Variants in SEMA5A observed in about 807,000 individuals in gnomAD.
The protein encoded by SEMA5A is semaphorin-5A.
A neutral mutation model predicts 135.5 loss-of-function variants in SEMA5A; 55 were observed. The ratio of observed to expected loss-of-function variants is 0.41; its 90% CI spans 0.33 to 0.51. The LOEUF is 0.51. Among genes scored for constraint, SEMA5A ranks in the 20% least tolerant of loss-of-function variants. The probability of loss-of-function intolerance (pLI) is 0.37; values close to 1 mark genes in which losing one functional copy is unlikely to be tolerated. For synonymous variants in SEMA5A, 580 were observed against 546.5 expected, an observed-to-expected ratio of 1.06 and a Z score of -0.85; for missense variants, 1,290 against 1,419.9, an observed-to-expected ratio of 0.91 and a Z score of 1.47.
chr5:9,434,327 A>G (rs1757958204), intron 2 of SEMA5A, among the ~76,000 whole-genome samples: 1 of 152,192 alleles, frequency 6.6e-6, no homozygotes, highest in Non-Finnish European at 1.5e-5. Flanking sequence ...AGACTACATT[A>G]AATGTCGTCT....
intron 22 of SEMA5A, 151 bp downstream of exon 22, chr5:9,044,222 A>G (rs1366566291): frequency 3.0e-6 from 2 of 668,750 alleles, no homozygotes; most frequent in East Asian, 2.7e-5. Context: ...AGCCACCTGA[A>G]GTCGTAAGGA....
chr5:9,166,991 C>G (rs1743644794), intron 11 of SEMA5A, among the ~76,000 whole-genome samples: 1 of 152,164 alleles, frequency 6.6e-6, no homozygotes, highest in Non-Finnish European at 1.5e-5. Flanking sequence ...CTCTAGCCCC[C>G]AGTGGTGAAA....
intron 2 of SEMA5A, among the ~76,000 whole-genome samples, chr5:9,426,962 T>C (rs1757683380): frequency 6.6e-6 from 1 of 152,182 alleles, no homozygotes; most frequent in Admixed American, 6.5e-5. Flanking sequence ...TAACACCTGG[T>C]TTATAAAATA....
At chr5:9,272,823 C>A (rs1458831827) in intron 5 of SEMA5A, among the ~76,000 whole-genome samples, 1 of 152,126 alleles carries the variant, frequency 6.6e-6, no homozygotes, top group South Asian at 2.1e-4. Context: ...CAACATCAAC[C>A]AAAAGGATGC....
chr5:9,279,346 C>A (rs926427782), intron 5 of SEMA5A, among the ~76,000 whole-genome samples: 2 of 152,174 alleles, frequency 1.3e-5, no homozygotes, highest in African/African-American at 2.4e-5. Context: ...AATGCCTGTA[C>A]CCCTACTGTT....
At position 9,041,474 on chromosome 5, in the gene SEMA5A, G is replaced by A. The variant is rs1735965576; in HGVS notation, c.*1423C>T. ...TAGGTTATGTATTGGTTGTTTGTGA[G>A]AAAATTATATATTTTTTTCCAGGGA... On this transcript the variant is annotated 3_prime_UTR_variant, in exon 23 of 23. Coordinates refer to ENST00000382496, the MANE Select transcript of SEMA5A (RefSeq NM_003966.3). 6.6e-6 allele frequency: 1 copy of A among 152,100 alleles called. No homozygotes were observed. The highest frequency in any genetic ancestry group is 2.4e-5 in the African/African-American group (1 of 41,394). The allele number at this position is 152,100 out of a possible 1,614,324, so 9.4% of individuals were successfully genotyped here.
intron 1 of SEMA5A, among the ~76,000 whole-genome samples, chr5:9,500,916 GA>G (rs1417733263): frequency 2.0e-5 from 3 of 152,116 alleles, no homozygotes; most frequent in Non-Finnish European, 4.4e-5. Flanking sequence ...GACTGTATGA[GA>G]ATCTTTCATC....
chr5:9,433,006 ATG>A (rs1757909397), intron 2 of SEMA5A, among the ~76,000 whole-genome samples: 1 of 152,250 alleles, frequency 6.6e-6, no homozygotes, highest in African/African-American at 2.4e-5. Context: ...GAATAAAAGA[ATG>A]AGAAAATTTA....
intron 1 of SEMA5A, among the ~76,000 whole-genome samples, chr5:9,483,856 G>A (rs1759975076): frequency 1.3e-5 from 2 of 152,144 alleles, no homozygotes; most frequent in Non-Finnish European, 2.9e-5. Context: ...AGCTTTGAAG[G>A]GAATAGACAA....
chr5:9,301,337 A>T (rs1202083338), intron 5 of SEMA5A, among the ~76,000 whole-genome samples: 1 of 152,230 alleles, frequency 6.6e-6, no homozygotes, highest in Non-Finnish European at 1.5e-5. Context: ...ACGTCATTGA[A>T]ATCTGTTTCG....
chr5:9,206,219 A>G (rs1356751827), intron 8 of SEMA5A, among the ~76,000 whole-genome samples: 1 of 152,198 alleles, frequency 6.6e-6, no homozygotes, highest in Non-Finnish European at 1.5e-5. Flanking sequence ...TAACTAAATC[A>G]CAGTAAAAAC....
chr5:9,340,774 T>G (rs1753613404), intron 3 of SEMA5A, among the ~76,000 whole-genome samples: 1 of 152,170 alleles, frequency 6.6e-6, no homozygotes, highest in African/African-American at 2.4e-5. Context: ...GTTGGCCATC[T>G]CAACTTTGCA....
At chr5:9,352,121 A>G (rs1754150426) in intron 3 of SEMA5A, among the ~76,000 whole-genome samples, 1 of 147,286 alleles carries the variant, frequency 6.8e-6, no homozygotes, top group Non-Finnish European at 1.5e-5. Flanking sequence ...AGTAGGGTAT[A>G]AGTTTACTAA....
At chr5:9,400,420 T>A (rs557076772) in intron 2 of SEMA5A, among the ~76,000 whole-genome samples, 2 of 152,040 alleles carry the variant, frequency 1.3e-5, no homozygotes, top group African/African-American at 4.8e-5. Flanking sequence ...ATTTGATCAA[T>A]TTAGACAAAT....
At chr5:9,124,279 C>T (rs1283129031) in intron 13 of SEMA5A, among the ~76,000 whole-genome samples, 1 of 152,140 alleles carries the variant, frequency 6.6e-6, no homozygotes, top group Non-Finnish European at 1.5e-5. Flanking sequence ...GTACCTGGCT[C>T]ATTGAAGAAG....
At position 9,399,278 on chromosome 5, in the gene SEMA5A, G is replaced by A. The variant is rs74289229; in HGVS notation, c.-77-19255C>T. The stretch of plus-strand genomic sequence containing the variant: ...TGAAGTGTTATTCAGCCAGTAAAAG[G>A]AATAAAGTGCTGACATATGCTATAA... On this transcript the variant is annotated intron_variant, in intron 2 of 22. Transcript: ENST00000382496. Among the ~76,000 whole-genome samples the A allele has an allele frequency of 1.7e-4, 26 of 152,306 alleles. No homozygotes were observed. In the East Asian group the frequency reaches 4.6e-3, roughly 27 times the overall value.
chr5:9,057,633 A>T (rs1290981834), intron 18 of SEMA5A, among the ~76,000 whole-genome samples: 1 of 152,224 alleles, frequency 6.6e-6, no homozygotes, highest in Non-Finnish European at 1.5e-5. Flanking sequence ...TTGCTGAAAC[A>T]TTCCCACTTG....
chr5:9,136,058 C>G (rs1262375746), intron 13 of SEMA5A, among the ~76,000 whole-genome samples: 3 of 152,180 alleles, frequency 2.0e-5, no homozygotes, highest in Admixed American at 2.0e-4. Flanking sequence ...GGGTTGGCCC[C>G]ACATGAAGGT....
chr5:9,138,709 T>A (rs1227000429), intron 12 of SEMA5A, among the ~76,000 whole-genome samples: 1 of 152,224 alleles, frequency 6.6e-6, no homozygotes, highest in Admixed American at 6.5e-5. Flanking sequence ...CCAAGCAGTA[T>A]ACAATATCCA....
Sources: allele counts gnomAD v4.1 joint callset (sites outside exome capture counted in the v4.1 genomes callset), GRCh38; gene constraint gnomAD v4.1.1; transcripts MANE v1.5; gene names NCBI Gene and HGNC (gene_info 2026-07-23, HGNC 2026-07-21).